PACSIN1: variants seen among roughly 807,000 people sequenced by gnomAD.
The protein encoded by PACSIN1 is protein kinase C and casein kinase substrate in neurons 1, also known as protein kinase C and casein kinase substrate in neurons protein 1.
PACSIN1 carries 15 observed loss-of-function variants against 59.5 expected under a neutral mutation model. The observed-to-expected ratio is 0.25, with a 90% CI of 0.17 to 0.39. The LOEUF (loss-of-function observed/expected upper bound fraction) is 0.39. Among genes scored for constraint, PACSIN1 ranks in the 10% least tolerant of loss-of-function variants. The probability of loss-of-function intolerance (pLI) is 1.00; values close to 1 mark genes in which losing one functional copy is unlikely to be tolerated. For synonymous variants in PACSIN1, 210 were observed against 220.6 expected (o/e 0.95, Z 0.42); for missense variants, 420 against 580.2 (o/e 0.72, Z 2.84).
rs1274113359 is a variant in PACSIN1, at chr6:34,518,945, G to A, written c.-63-7298G>A. Among the ~76,000 whole-genome samples, 1 of 152,236 alleles carries A rather than the reference G, an allele frequency of 6.6e-6. No homozygotes were observed. Among genetic ancestry groups the A allele is most frequent in the Non-Finnish European group, 1.5e-5 (1 of 68,040 alleles). On this transcript the variant is annotated intron_variant, in intron 1 of 9. Coordinates refer to ENST00000244458, the MANE Select transcript of PACSIN1 (RefSeq NM_020804.5). This position sits in a 1 kb window ranked among gnomAD's most constrained non-coding sequence, Gnocchi z 4.4. ...CTAAAGATGTGGGCTGTGCAAAATG[G>A]TGTCTTGTCTACTTGGCTTGAGAGC...
In PACSIN1 at chr6:34,534,156, T is replaced by C. The variant is rs1438542320; in HGVS notation, c.*1626T>C. The C allele has an allele frequency of 6.5e-6, 1 of 152,778 alleles. No individual in the cohort carries two copies. The highest frequency in any genetic ancestry group is 2.4e-5 in the African/African-American group (1 of 41,444). 9.5% of individuals were successfully genotyped at this position (152,778 alleles called of 1,614,324 possible). A position where few individuals can be genotyped will look rare whatever the true frequency, so the allele number is the denominator to read the frequency against. ...GCCCAGCCCTGTTTCCCCTCAGTCC[T>C]CCTTTGCTCCTGCTGCTTCTCCCAA... On this transcript the variant is annotated 3_prime_UTR_variant, in exon 10 of 10. Transcript: ENST00000244458.
intron 1 of PACSIN1, among the ~76,000 whole-genome samples, chr6:34,479,243 T>C (rs1302570547): frequency 6.6e-6 from 1 of 150,430 alleles, no homozygotes; most frequent in African/African-American, 2.5e-5. Flanking sequence ...GTCTCCATCA[T>C]GTAGGTAAAA....
chr6:34,527,113 G>A (rs1178473063), intron 2 of PACSIN1, among the ~76,000 whole-genome samples: 1 of 151,090 alleles, frequency 6.6e-6, no homozygotes, highest in Non-Finnish European at 1.5e-5. Context: ...GCGTGTAGAC[G>A]GCGGGGCCTG....
chr6:34,515,563 G>A lies in PACSIN1; in HGVS notation c.-63-10680G>A, dbSNP rs2127266446. On this transcript the variant is annotated intron_variant, in intron 1 of 9. Coordinates refer to ENST00000244458, the MANE Select transcript of PACSIN1 (RefSeq NM_020804.5). This position sits in a 1 kb window ranked among gnomAD's most constrained non-coding sequence, Gnocchi z 4.4. ...TCCCTGCTGGCCCTGGATGGTCTCA[G>A]GCACTGGGCTTAGAGCCCCCTGGTC... is the stretch of plus-strand genomic sequence containing the variant. 6.6e-6 allele frequency among the ~76,000 whole-genome samples: 1 copy of A among 152,308 alleles called. No individual in the cohort carries two copies. The highest frequency in any genetic ancestry group is 3.4e-3 in the Middle Eastern group (1 of 294).
At chr6:34,510,548 C>G (rs905972186) in intron 1 of PACSIN1, among the ~76,000 whole-genome samples, 7 of 152,202 alleles carry the variant, frequency 4.6e-5, no homozygotes, top group Admixed American at 2.0e-4. Flanking sequence ...TTACTCCCAC[C>G]TCTAGGACAT....
In PACSIN1 at chr6:34,515,890, A is replaced by C. The variant is rs1767283319; in HGVS notation, c.-63-10353A>C. Among the ~76,000 whole-genome samples, 1 of 151,612 alleles carries C rather than the reference A, an allele frequency of 6.6e-6. No homozygotes were observed. Among genetic ancestry groups the C allele is most frequent in the Non-Finnish European group, 1.5e-5 (1 of 67,886 alleles). ...GCGGAGGAGCCTCTGCCAGCTGCTCAGGAGGGGGCAGGGTGGGGTGCAGGG... is the reference window on the plus strand; with the variant it reads ...GCGGAGGAGCCTCTGCCAGCTGCTCCGGAGGGGGCAGGGTGGGGTGCAGGG... On this transcript the variant is annotated intron_variant, in intron 1 of 9. Transcript: ENST00000244458. The surrounding 1 kb of genome is among the most constrained non-coding windows in gnomAD (Gnocchi z 4.4).
intron 1 of PACSIN1, among the ~76,000 whole-genome samples, chr6:34,494,911 T>C (rs1342414617): frequency 1.3e-5 from 2 of 152,378 alleles, no homozygotes; most frequent in African/African-American, 2.4e-5. Context: ...GGTTGCTGTC[T>C]GAACTCTGGC....
chr6:34,475,263 C>G (rs1337182293), intron 1 of PACSIN1, among the ~76,000 whole-genome samples: 1 of 152,102 alleles, frequency 6.6e-6, no homozygotes, highest in Non-Finnish European at 1.5e-5. Flanking sequence ...CCGCCTCCTC[C>G]TCTCACATTG....
At chr6:34,504,276 A>ATGTGTG (rs1185603971) in intron 1 of PACSIN1, among the ~76,000 whole-genome samples, 16 of 100,122 alleles carry the variant, frequency 1.6e-4, no homozygotes, top group African/African-American at 7.3e-4. Context: ...GTGTGTATAT[A>ATGTGTG]TATATATATA....
chr6:34,524,058 G>C (rs1303357355), intron 1 of PACSIN1, among the ~76,000 whole-genome samples: 3 of 152,238 alleles, frequency 2.0e-5, no homozygotes, highest in Admixed American at 6.5e-5. Context: ...GGGACCCTGA[G>C]GTTGGAGCTG....
intron 1 of PACSIN1, among the ~76,000 whole-genome samples, chr6:34,507,209 T>G (rs189066399): frequency 1.5e-4 from 23 of 152,312 alleles, no homozygotes; most frequent in African/African-American, 5.5e-4. Flanking sequence ...TGTCTATGTT[T>G]ATTGGTATTT....
At chr6:34,497,361 C>A (rs1292805618) in intron 1 of PACSIN1, among the ~76,000 whole-genome samples, 2 of 152,148 alleles carry the variant, frequency 1.3e-5, no homozygotes, top group Non-Finnish European at 1.5e-5. Flanking sequence ...ACTTTTCATG[C>A]CTTAGCCCAG....
chr6:34,491,762 C>T (rs1037126094), intron 1 of PACSIN1, among the ~76,000 whole-genome samples: 1 of 152,064 alleles, frequency 6.6e-6, no homozygotes, highest in African/African-American at 2.4e-5. Context: ...CAGGCACCCG[C>T]CAACATGCCC....
At chr6:34,472,410 CCT>C (rs753464230) in intron 1 of PACSIN1, among the ~76,000 whole-genome samples, 45 of 151,696 alleles carry the variant, frequency 3.0e-4, no homozygotes, top group Non-Finnish European at 6.0e-4. Flanking sequence ...TTAGAGCTTG[CCT>C]CTGGGCTGAG....
intron 1 of PACSIN1, among the ~76,000 whole-genome samples, chr6:34,473,325 A>C (rs1056037539): frequency 6.6e-6 from 1 of 152,156 alleles, no homozygotes; most frequent in Non-Finnish European, 1.5e-5. Context: ...GGAAATCAGC[A>C]TAGGAACACG....
chr6:34,513,663 A>T (rs1414719974), intron 1 of PACSIN1, among the ~76,000 whole-genome samples: 1 of 151,502 alleles, frequency 6.6e-6, no homozygotes, highest in Non-Finnish European at 1.5e-5. Context: ...GTGAGTAGGG[A>T]TATGTGTGAG....
chr6:34,491,661 G>A (rs1218473793), intron 1 of PACSIN1, among the ~76,000 whole-genome samples: 4 of 151,854 alleles, frequency 2.6e-5, no homozygotes, highest in African/African-American at 9.7e-5. Flanking sequence ...GCCCAGGCTG[G>A]AGTGCAACGA....
intron 1 of PACSIN1, among the ~76,000 whole-genome samples, chr6:34,517,114 A>G (rs1251165734): frequency 2.0e-5 from 3 of 152,084 alleles, no homozygotes; most frequent in Admixed American, 2.0e-4. Flanking sequence ...AGCTCAGCAA[A>G]CAGCAGCTCT....
rs1363570770 is a variant in PACSIN1, at chr6:34,521,533, A to G, written c.-63-4710A>G. The stretch of plus-strand genomic sequence containing the variant: ...GGGCTCCTTTGTCACTGAGGCCGCC[A>G]TTACAGACTTGGCCCACATCTCACT... On this transcript the variant is annotated intron_variant, in intron 1 of 9. Transcript: ENST00000244458. The surrounding 1 kb of genome is among the most constrained non-coding windows in gnomAD (Gnocchi z 4.3). Among the ~76,000 whole-genome samples, 2 of 152,150 alleles carry G rather than the reference A, an allele frequency of 1.3e-5. No individual in the cohort carries two copies. The highest frequency in any genetic ancestry group is 2.4e-5 in the African/African-American group (1 of 41,428).
Sources: gnomAD v4.1 joint callset for allele counts (sites outside exome capture counted in the v4.1 genomes callset) on GRCh38, gnomAD v4.1.1 for gene constraint, Gnocchi (gnomAD v3.1) non-coding constraint, MANE v1.5 for transcripts, NCBI Gene and HGNC (gene_info 2026-07-23, HGNC 2026-07-21) for gene names.